NAA20: variants seen among roughly 807,000 people sequenced by gnomAD.
The protein encoded by NAA20 is N-alpha-acetyltransferase 20.
Under a neutral mutation model 23.8 loss-of-function variants are expected in NAA20, and 24 were observed. The ratio of observed to expected loss-of-function variants is 1.01; its 90% CI spans 0.73 to 1.42. The LOEUF (loss-of-function observed/expected upper bound fraction) is 1.42, where lower values mean the gene tolerates loss of function less well. Among genes scored for constraint, NAA20 ranks in the 40% most tolerant of loss-of-function variants. The pLI is 0.00. For missense variants in NAA20, 166 were observed against 223.1 expected (o/e 0.74, Z 1.63); for synonymous variants, 83 against 77.7 (o/e 1.07, Z -0.36).
intron 1 of NAA20, chr20:20,017,805 C>T (rs1478889608): frequency 3.4e-6 from 5 of 1,459,692 alleles, no homozygotes; most frequent in African/African-American, 2.8e-5. Flanking sequence ...GAGCCCACGA[C>T]CTGGGCTTCT....
intron 1 of NAA20, among the ~76,000 whole-genome samples, chr20:20,020,122 AT>A (rs1280261256): frequency 6.6e-6 from 1 of 152,192 alleles, no homozygotes; most frequent in Non-Finnish European, 1.5e-5. Flanking sequence ...TAGAATGTAG[AT>A]TTTCCCCTCT....
At chr20:20,019,699 C>G (rs559004292) in intron 1 of NAA20, among the ~76,000 whole-genome samples, 34 of 152,314 alleles carry the variant, frequency 2.2e-4, no homozygotes, top group Non-Finnish European at 4.4e-4. Context: ...ATCCTCCTGC[C>G]TCAGCCTCCC....
intron 2 of NAA20, among the ~76,000 whole-genome samples, chr20:20,024,743 A>T (rs1454230629): frequency 6.6e-6 from 1 of 152,158 alleles, no homozygotes; most frequent in Non-Finnish European, 1.5e-5. Context: ...GGTATATGTC[A>T]GTGGCTGGCT....
At chr20:20,018,793 A>G in intron 1 of NAA20, 1 of 605,834 alleles carries the variant, frequency 1.7e-6, no homozygotes, top group Non-Finnish European at 2.1e-6. Flanking sequence ...AATCCTCACG[A>G]TTCTTTGAGG....
intron 2 of NAA20, among the ~76,000 whole-genome samples, chr20:20,025,373 G>A (rs1207775148): frequency 2.0e-5 from 3 of 152,202 alleles, no homozygotes; most frequent in African/African-American, 4.8e-5. Context: ...GTGATAAATG[G>A]AGAGACTTAG....
At chr20:20,017,799 C>T (rs1601121374) in intron 1 of NAA20, 1 of 1,449,614 alleles carries the variant, frequency 6.9e-7, no homozygotes, top group Admixed American at 2.6e-5. Context: ...GGCCTGGAGC[C>T]CACGACCTGG....
At chr20:20,018,504 T>C in intron 1 of NAA20, 1 of 170,160 alleles carries the variant, frequency 5.9e-6, no homozygotes. Context: ...GCCTTGAAGA[T>C]GGATAACACA....
At chr20:20,027,837 A>G (rs1191669746) in intron 4 of NAA20, among the ~76,000 whole-genome samples, 1 of 151,936 alleles carries the variant, frequency 6.6e-6, no homozygotes, top group African/African-American at 2.4e-5. Context: ...AATAGAAGAG[A>G]AGGCCCCTCC....
At chr20:20,019,616 G>A (rs2043254416) in intron 1 of NAA20, among the ~76,000 whole-genome samples, 2 of 152,162 alleles carry the variant, frequency 1.3e-5, no homozygotes, top group Non-Finnish European at 2.9e-5. Context: ...ACAGGGTCTC[G>A]CTCTGTTGCC....
chr20:20,027,610 C>G (rs1372302592), intron 4 of NAA20, among the ~76,000 whole-genome samples: 1 of 152,094 alleles, frequency 6.6e-6, no homozygotes, highest in Non-Finnish European at 1.5e-5. Flanking sequence ...AATTTGTGAA[C>G]TACTTCAAAC....
intron 1 of NAA20, chr20:20,018,863 G>A: frequency 2.0e-6 from 2 of 985,244 alleles, no homozygotes; most frequent in Non-Finnish European, 2.4e-6. Context: ...AAGTGAATTG[G>A]CCCAGGTGAG....
In NAA20 at chr20:20,032,604, CAT is replaced by C; in HGVS notation, c.404_405del (p.Ile135ArgfsTer11). Reference protein sequence around the residue: ...QLGYSVYRTVIEYYSASNGEP... With the variant: ...QLGYSVYRTVXEYYSASNGEP... ...TGGGCTACAGTGTATATAGGACGGTCATAGAGTACTATTCGGCCAGCAACGGG... is the reference window on the plus strand; with the variant it reads ...TGGGCTACAGTGTATATAGGACGGTCAGAGTACTATTCGGCCAGCAACGGG... On this transcript the variant is annotated frameshift_variant, in exon 5 of 6. Transcript: ENST00000334982. LOFTEE classifies it high-confidence loss of function. 1.2e-6 allele frequency: 2 copies of C among 1,611,970 alleles called. No homozygotes were observed. The highest frequency in any genetic ancestry group is 1.1e-5 in the South Asian group (1 of 90,602).
intron 2 of NAA20, among the ~76,000 whole-genome samples, chr20:20,024,240 A>T (rs1287404996): frequency 2.0e-5 from 3 of 152,236 alleles, no homozygotes; most frequent in Non-Finnish European, 4.4e-5. Context: ...CAATCAGGAG[A>T]TGGTTAAGTA....
At chr20:20,018,075 G>T in intron 1 of NAA20, 1 of 1,613,994 alleles carries the variant, frequency 6.2e-7, no homozygotes, top group Non-Finnish European at 8.5e-7. Context: ...CTGTAGCTGC[G>T]CACCCCGGTG....
At chr20:20,021,016 CTG>C in intron 1 of NAA20, among the ~76,000 whole-genome samples, 1 of 91,638 alleles carries the variant, frequency 1.1e-5, no homozygotes, top group South Asian at 4.6e-4. Flanking sequence ...GTGCAGATGC[CTG>C]TGTGCGTGGG....
At chr20:20,020,068 A>G (rs1008120476) in intron 1 of NAA20, among the ~76,000 whole-genome samples, 1 of 152,244 alleles carries the variant, frequency 6.6e-6, no homozygotes, top group Admixed American at 6.5e-5. Flanking sequence ...TGCCAGTTCT[A>G]GAGACACAGC....
chr20:20,033,003 G>T (rs1209754992), intron 5 of NAA20, 99 bp from the exon 6 acceptor site: 3 of 926,788 alleles, frequency 3.2e-6, no homozygotes, highest in African/African-American at 1.6e-5. Flanking sequence ...GGTGAAGTGG[G>T]GGTAGGGATA....
intron 1 of NAA20, 101 bp downstream of exon 1, chr20:20,017,550 C>A (rs1486576094): frequency 1.4e-6 from 2 of 1,445,516 alleles, no homozygotes; most frequent in Non-Finnish European, 1.8e-6. Flanking sequence ...GGACCCCAAG[C>A]CCGGACGGGG....
Position 20,033,322 on chromosome 20 carries a change from T to C in NAA20, c.*135T>C, listed in dbSNP as rs2043362243. On this transcript the variant is annotated 3_prime_UTR_variant, in exon 6 of 6. Transcript: ENST00000334982. Reference sequence around the variant, plus strand: ...AAAGACTTCAAGAAAATACAGGTTATCAATTTATTTTAAATCTCATTGTTT... The same window carrying C: ...AAAGACTTCAAGAAAATACAGGTTACCAATTTATTTTAAATCTCATTGTTT... 1.5e-6 allele frequency: 1 copy of C among 653,722 alleles called. No individual in the cohort carries two copies. Among genetic ancestry groups the C allele is most frequent in the African/African-American group, 1.8e-5 (1 of 55,338 alleles). The allele number at this position is 653,722 out of a possible 1,614,324, so 40.5% of individuals were successfully genotyped here. A position where few individuals can be genotyped will look rare whatever the true frequency, so the allele number is the denominator to read the frequency against.
Sources: allele counts gnomAD v4.1 joint callset (sites outside exome capture counted in the v4.1 genomes callset), GRCh38; gene constraint gnomAD v4.1.1; transcripts MANE v1.5; gene names NCBI Gene and HGNC (gene_info 2026-07-23, HGNC 2026-07-21).